Variants in RABGAP1L observed in about 807,000 individuals in gnomAD.
RABGAP1L encodes the protein rab GTPase-activating protein 1-like.
In RABGAP1L, 63 loss-of-function variants were observed where a neutral mutation model predicts 137.7. The observed-to-expected ratio is 0.46, with a 90% CI of 0.37 to 0.56. RABGAP1L has a LOEUF of 0.56. Ranked by LOEUF, RABGAP1L falls within the 20% of genes least tolerant of loss-of-function variation. The pLI is 0.00. For missense variants in RABGAP1L, 1,095 were observed against 1,244.0 expected (o/e 0.88, Z 1.80); for synonymous variants, 431 against 433.7 (o/e 0.99, Z 0.08).
At chr1:174,581,686 T>G (rs1295622392) in intron 13 of RABGAP1L, among the ~76,000 whole-genome samples, 2 of 152,136 alleles carry the variant, frequency 1.3e-5, no homozygotes, top group Admixed American at 6.5e-5. Flanking sequence ...ACGGGTAAAT[T>G]TTTTCGTATG....
chr1:174,440,030 A>G lies in RABGAP1L; in HGVS notation c.1710+45885A>G, dbSNP rs116086930. 1.2e-3 allele frequency among the ~76,000 whole-genome samples: 178 copies of G among 152,348 alleles called. 1 individual carries two copies. The highest frequency in any genetic ancestry group is 4.2e-3 in the African/African-American group (174 of 41,580). ...GTTAAAACTGAGACCTAAAGATTGC[A>G]TCTGAATTAAATAAAAAGAAGTGTG... On this transcript the variant is annotated intron_variant, in intron 13 of 25. Coordinates refer to ENST00000681986, the MANE Select transcript of RABGAP1L (RefSeq NM_001366446.1).
At chr1:174,348,445 T>C (rs1571330426) in intron 11 of RABGAP1L, among the ~76,000 whole-genome samples, 1 of 150,114 alleles carries the variant, frequency 6.7e-6, no homozygotes, top group African/African-American at 2.4e-5. Context: ...TTATTTTTTA[T>C]TTATTTATTT....
At chr1:174,776,179 G>A (rs1047555720) in intron 18 of RABGAP1L, among the ~76,000 whole-genome samples, 3 of 152,028 alleles carry the variant, frequency 2.0e-5, no homozygotes, top group African/African-American at 7.2e-5. Context: ...AGATCAGCCT[G>A]GCCAACATGG....
intron 12 of RABGAP1L, among the ~76,000 whole-genome samples, chr1:174,382,826 C>T (rs1686287798): frequency 6.6e-6 from 1 of 151,962 alleles, no homozygotes; most frequent in Non-Finnish European, 1.5e-5. Flanking sequence ...TGTTCCGTTG[C>T]TGGTGAGGAA....
chr1:174,448,301 G>C lies in RABGAP1L; in HGVS notation c.1710+54156G>C, dbSNP rs767617521. ...TGCTGGGAATCTAACAGTTATCTTT[G>C]TCTTTCATTGTGCTCCACTGTTACA... On this transcript the variant is annotated intron_variant, in intron 13 of 25. Coordinates refer to ENST00000681986, the MANE Select transcript of RABGAP1L (RefSeq NM_001366446.1). The surrounding 1 kb of genome is among the most constrained non-coding windows in gnomAD (Gnocchi z 4.2). 3 of 1,612,894 alleles carry C rather than the reference G, an allele frequency of 1.9e-6. No individual in the cohort carries two copies. The highest frequency in any genetic ancestry group is 2.5e-6 in the Non-Finnish European group (3 of 1,178,900).
chr1:174,449,212 T>C, intron 13 of RABGAP1L: 8 of 1,537,728 alleles, frequency 5.2e-6, no homozygotes, highest in Non-Finnish European at 6.1e-6. Context: ...AGCTACATAG[T>C]AAATCAAATG....
chr1:174,391,945 A>G (rs1687236010), intron 12 of RABGAP1L, among the ~76,000 whole-genome samples: 1 of 152,192 alleles, frequency 6.6e-6, no homozygotes, highest in African/African-American at 2.4e-5. Context: ...AATCACAGCC[A>G]AACATTAAAT....
intron 19 of RABGAP1L, among the ~76,000 whole-genome samples, chr1:174,946,958 G>A (rs1288538354): frequency 1.5e-4 from 18 of 121,844 alleles, no homozygotes; most frequent in East Asian, 1.1e-3. Context: ...GTGTGTGTGT[G>A]TGTGTGTGTG....
intron 13 of RABGAP1L, among the ~76,000 whole-genome samples, chr1:174,538,117 G>A (rs1665038799): frequency 6.6e-6 from 1 of 152,142 alleles, no homozygotes; most frequent in Non-Finnish European, 1.5e-5. Context: ...CATACGTGCT[G>A]TGGTACAACA....
intron 11 of RABGAP1L, among the ~76,000 whole-genome samples, chr1:174,363,971 G>T (rs1684365800): frequency 6.6e-6 from 1 of 151,604 alleles, no homozygotes; most frequent in South Asian, 2.1e-4. Context: ...GCCAATTTTG[G>T]ATCAGTGTAC....
intron 13 of RABGAP1L, among the ~76,000 whole-genome samples, chr1:174,576,952 G>A (rs1250297953): frequency 6.6e-6 from 1 of 152,118 alleles, no homozygotes; most frequent in African/African-American, 2.4e-5. Flanking sequence ...GGAGGCTGAG[G>A]TGGGAGGATT....
chr1:174,286,066 G>A lies in RABGAP1L; in HGVS notation c.1323+7287G>A, dbSNP rs184280715. Among the ~76,000 whole-genome samples the A allele has an allele frequency of 2.1e-3, 319 of 152,192 alleles. 1 individual carries two copies. The highest frequency in any genetic ancestry group is 3.2e-3 in the Non-Finnish European group (220 of 68,000). On this transcript the variant is annotated intron_variant, in intron 10 of 25. Transcript: ENST00000681986. ...CTTGTGATGTCTTCGTCTGGCTTTG[G>A]TATCAGGGTAATGCTGGCCCCATGA...
intron 1 of RABGAP1L, among the ~76,000 whole-genome samples, chr1:174,171,090 G>C (rs1417186): frequency 0.23 from 34,954 of 152,112 alleles, 4,483 homozygotes; most frequent in Non-Finnish European, 0.27. Context: ...AAGTGGATCA[G>C]ATGATCTCTA....
At chr1:174,225,965 A>G (rs1330635861) in intron 3 of RABGAP1L, among the ~76,000 whole-genome samples, 1 of 152,120 alleles carries the variant, frequency 6.6e-6, no homozygotes, top group Non-Finnish European at 1.5e-5. Context: ...TGCTTACAGT[A>G]CCACCGCGAC....
intron 15 of RABGAP1L, 40 bp from the exon 16 acceptor site, chr1:174,699,484 TG>T: frequency 6.4e-7 from 1 of 1,562,728 alleles, no homozygotes; most frequent in South Asian, 1.2e-5. Context: ...TCTGGCAAAA[TG>T]CCACTTATTT....
chr1:174,873,159 C>G (rs1421735770), intron 19 of RABGAP1L, among the ~76,000 whole-genome samples: 2 of 152,012 alleles, frequency 1.3e-5, no homozygotes, highest in African/African-American at 4.8e-5. Flanking sequence ...ACCTCTGCCT[C>G]CTGGGTTCAA....
chr1:174,641,235 G>A (rs886682119), intron 14 of RABGAP1L, among the ~76,000 whole-genome samples: 4 of 151,892 alleles, frequency 2.6e-5, no homozygotes, highest in Non-Finnish European at 5.9e-5. Flanking sequence ...CTGTGGCTCT[G>A]GTGAAAGGAG....
intron 17 of RABGAP1L, among the ~76,000 whole-genome samples, chr1:174,721,095 G>A (rs988857507): frequency 6.6e-6 from 1 of 152,150 alleles, no homozygotes; most frequent in Admixed American, 6.5e-5. Flanking sequence ...TGATTTAACA[G>A]TTGTGTATAC....
chr1:174,653,967 A>G (rs1378224345), intron 14 of RABGAP1L, among the ~76,000 whole-genome samples: 1 of 152,204 alleles, frequency 6.6e-6, no homozygotes, highest in Non-Finnish European at 1.5e-5. Context: ...TAAGAAATGT[A>G]TTATGGGAAA....
Sources: allele counts gnomAD v4.1 joint callset (sites outside exome capture counted in the v4.1 genomes callset), GRCh38; gene constraint gnomAD v4.1.1; non-coding constraint Gnocchi (gnomAD v3.1); transcripts MANE v1.5; gene names NCBI Gene and HGNC (gene_info 2026-07-23, HGNC 2026-07-21).